FBXW4: variants seen among roughly 807,000 people sequenced by gnomAD.
FBXW4 encodes F-box and WD repeat domain containing 4, also known as F-box/WD repeat-containing protein 4.
A neutral mutation model predicts 61.8 loss-of-function variants in FBXW4; 40 were observed. The ratio of observed to expected loss-of-function variants is 0.65; its 90% CI spans 0.50 to 0.84. The LOEUF is 0.84. Ranked by LOEUF, FBXW4 falls within the 40% of genes least tolerant of loss-of-function variation. The probability of loss-of-function intolerance (pLI) is 0.00; values close to 1 mark genes in which losing one functional copy is unlikely to be tolerated. For missense variants in FBXW4, 672 were observed against 753.8 expected, an observed-to-expected ratio of 0.89 and a Z score of 1.27; for synonymous variants, 311 against 313.8, an observed-to-expected ratio of 0.99 and a Z score of 0.10.
intron 5 of FBXW4, among the ~76,000 whole-genome samples, chr10:101,637,262 G>C (rs1171070885): frequency 6.7e-6 from 1 of 150,346 alleles, no homozygotes; most frequent in South Asian, 2.1e-4. Context: ...CGTGGTGGTG[G>C]GCACCTGTAG....
chr10:101,611,509 C>A lies in FBXW4; in HGVS notation c.1585-99G>T, dbSNP rs2063784044. The A allele has an allele frequency of 3.2e-6, 5 of 1,568,242 alleles. No individual in the cohort carries two copies. Among genetic ancestry groups the A allele is most frequent in the Non-Finnish European group, 3.5e-6 (4 of 1,153,804 alleles). On this transcript the variant is annotated intron_variant, in intron 8 of 8. Coordinates refer to ENST00000331272, the MANE Select transcript of FBXW4 (RefSeq NM_022039.4). This position sits in a 1 kb window ranked among gnomAD's most constrained non-coding sequence, Gnocchi z 4.9. ...AGGCCCAGGGGAAGAGGGACGTGTG[C>A]CATTGTAGGCTTCTTCCAACCCTTT...
intron 5 of FBXW4, chr10:101,625,111 G>A (rs2063897649): frequency 9.8e-6 from 4 of 408,228 alleles, no homozygotes; most frequent in Non-Finnish European, 1.4e-5. Flanking sequence ...GACGTGACAA[G>A]TTTGAGCCCA....
intron 5 of FBXW4, among the ~76,000 whole-genome samples, chr10:101,649,019 C>G (rs1185851000): frequency 2.0e-5 from 3 of 152,192 alleles, no homozygotes; most frequent in African/African-American, 7.2e-5. Flanking sequence ...TTACCAAGAG[C>G]AATTCCTGCT....
rs2063778190 is a variant in FBXW4 at position 101,611,157 on chromosome 10, G to A, written c.*134C>T. On this transcript the variant is annotated 3_prime_UTR_variant, in exon 9 of 9. Coordinates refer to ENST00000331272, the MANE Select transcript of FBXW4 (RefSeq NM_022039.4). This position sits in a 1 kb window ranked among gnomAD's most constrained non-coding sequence, Gnocchi z 4.9. ...AGGAGTCAGAAGCCTCTAGTGCAAG[G>A]TGCCTGAGCACTGGGGTCACAGGCC... The A allele has an allele frequency of 8.4e-7, 1 of 1,195,056 alleles. No homozygotes were observed. Among genetic ancestry groups the A allele is most frequent in the Non-Finnish European group, 1.2e-6 (1 of 852,726 alleles). The allele number at this position is 1,195,056 out of a possible 1,614,324, so 74.0% of individuals were successfully genotyped here.
At position 101,611,227 on chromosome 10, in the gene FBXW4, C is replaced by T; in HGVS notation, c.*64G>A. On this transcript the variant is annotated 3_prime_UTR_variant, in exon 9 of 9. Coordinates refer to ENST00000331272, the MANE Select transcript of FBXW4 (RefSeq NM_022039.4). The surrounding 1 kb of genome is among the most constrained non-coding windows in gnomAD (Gnocchi z 4.9). ...TGAGGAGGAGCTATCACTGCACCCT[C>T]CAGGCAAGAGAAGTCCCTGAGTAGC... The T allele has an allele frequency of 6.3e-7, 1 of 1,582,006 alleles. No individual in the cohort carries two copies. Among genetic ancestry groups the T allele is most frequent in the South Asian group, 1.2e-5 (1 of 84,034 alleles).
At chr10:101,673,941 G>A (rs1359395809) in intron 2 of FBXW4, among the ~76,000 whole-genome samples, 2 of 152,106 alleles carry the variant, frequency 1.3e-5, no homozygotes. Context: ...ACTTTTAATT[G>A]GAGAATATTT....
chr10:101,639,277 A>C lies in FBXW4; in HGVS notation c.1236-14467T>G, dbSNP rs149212193. ...CAGGTTCTTTCTCTGTGCATGTCAC[A>C]TTAGAATATGGCGGGTTTTGCTAAG... On this transcript the variant is annotated intron_variant, in intron 5 of 8. Transcript: ENST00000331272. Among the ~76,000 whole-genome samples, 499 of 152,334 alleles carry C rather than the reference A, an allele frequency of 3.3e-3. 4 individuals are homozygous for C. The highest frequency in any genetic ancestry group is 7.3e-3 in the South Asian group (35 of 4,824).
At chr10:101,646,375 A>T (rs1034101717) in intron 5 of FBXW4, among the ~76,000 whole-genome samples, 4 of 152,094 alleles carry the variant, frequency 2.6e-5, no homozygotes, top group Non-Finnish European at 5.9e-5. Context: ...CTGTCTCCCA[A>T]CCCTCACTCC....
At chr10:101,659,762 AG>A (rs1310273832) in intron 5 of FBXW4, among the ~76,000 whole-genome samples, 1 of 152,248 alleles carries the variant, frequency 6.6e-6, no homozygotes, top group Non-Finnish European at 1.5e-5. Flanking sequence ...ATTTCCAACA[AG>A]GTACATGCAG....
intron 6 of FBXW4, among the ~76,000 whole-genome samples, chr10:101,616,478 G>T (rs974898407): frequency 1.3e-5 from 2 of 152,234 alleles, no homozygotes; most frequent in Non-Finnish European, 2.9e-5. Flanking sequence ...AAATCAAAAT[G>T]TGAGTTGGTA....
intron 5 of FBXW4, chr10:101,659,995 G>T: frequency 1.5e-6 from 1 of 657,000 alleles, no homozygotes; most frequent in Non-Finnish European, 1.9e-6. Context: ...AGAATAGTCT[G>T]TCCCCGGCCC....
At chr10:101,673,436 T>G (rs2064376975) in intron 3 of FBXW4, 52 bp downstream of exon 3, 3 of 1,595,420 alleles carry the variant, frequency 1.9e-6, no homozygotes, top group South Asian at 2.2e-5. Flanking sequence ...AGGCAGAATG[T>G]CCCCGAAGTA....
chr10:101,649,612 G>A (rs2064129783), intron 5 of FBXW4, among the ~76,000 whole-genome samples: 1 of 152,316 alleles, frequency 6.6e-6, no homozygotes, highest in South Asian at 2.1e-4. Context: ...GTTCCTTTGG[G>A]ATTTAGGCCC....
intron 5 of FBXW4, among the ~76,000 whole-genome samples, chr10:101,663,471 C>T (rs894702689): frequency 6.6e-6 from 1 of 152,176 alleles, no homozygotes; most frequent in Admixed American, 6.5e-5. Flanking sequence ...TTTTAAATGG[C>T]AATAAAACAT....
intron 5 of FBXW4, among the ~76,000 whole-genome samples, chr10:101,667,392 T>C (rs1379062746): frequency 6.6e-6 from 1 of 152,142 alleles, no homozygotes; most frequent in Non-Finnish European, 1.5e-5. Flanking sequence ...ATACATGTCT[T>C]TGTTTGAGGA....
chr10:101,683,505 C>T (rs1402358979), intron 1 of FBXW4, among the ~76,000 whole-genome samples: 1 of 152,160 alleles, frequency 6.6e-6, no homozygotes, highest in South Asian at 2.1e-4. Context: ...TATCTGGCCC[C>T]TTCAAATCTT....
intron 5 of FBXW4, 65 bp from the exon 6 acceptor site, chr10:101,624,875 C>G: frequency 1.9e-6 from 3 of 1,551,938 alleles, no homozygotes; most frequent in South Asian, 2.2e-5. Flanking sequence ...AAATGGCTAA[C>G]AATGGGAAAT....
In FBXW4 at chr10:101,694,233, C is replaced by T. The variant is rs1447093734; in HGVS notation, c.725+148G>A. On this transcript the variant is annotated intron_variant, in intron 1 of 8. Transcript: ENST00000331272. This position sits in a 1 kb window ranked among gnomAD's most constrained non-coding sequence, Gnocchi z 6.0. ...GGGCAAAGGGGTCCCCGAGAGTGCT[C>T]GGGAAAGGGTGTAGGCGGAGGTCAG... The T allele has an allele frequency of 4.0e-6, 3 of 742,446 alleles. No homozygotes were observed. Among genetic ancestry groups the T allele is most frequent in the Middle Eastern group, 4.2e-4 (1 of 2,356 alleles). 46.0% of individuals were successfully genotyped at this position (742,446 alleles called of 1,614,324 possible). A position where few individuals can be genotyped will look rare whatever the true frequency, so the allele number is the denominator to read the frequency against.
intron 5 of FBXW4, among the ~76,000 whole-genome samples, chr10:101,653,751 C>T (rs1042827229): frequency 6.6e-6 from 1 of 152,168 alleles, no homozygotes; most frequent in Non-Finnish European, 1.5e-5. Context: ...AGCTCCTACA[C>T]GGTAAAAACA....
Sources: allele counts gnomAD v4.1 joint callset (sites outside exome capture counted in the v4.1 genomes callset), GRCh38; gene constraint gnomAD v4.1.1; non-coding constraint Gnocchi (gnomAD v3.1); transcripts MANE v1.5; gene names NCBI Gene and HGNC (gene_info 2026-07-23, HGNC 2026-07-21).